Variants in IMMP2L observed in about 807,000 individuals in gnomAD.
The protein encoded by IMMP2L is mitochondrial inner membrane protease subunit 2.
Under a neutral mutation model 19.3 loss-of-function variants are expected in IMMP2L, and 18 were observed. The observed-to-expected ratio is 0.93, with a 90% CI of 0.64 to 1.38. The LOEUF is 1.38. Ranked by LOEUF, IMMP2L falls within the 40% of genes most tolerant of loss-of-function variation. The probability of loss-of-function intolerance (pLI) is 0.00; values close to 1 mark genes in which losing one functional copy is unlikely to be tolerated. For synonymous variants in IMMP2L, 76 were observed against 73.0 expected (o/e 1.04, Z -0.21); for missense variants, 233 against 218.2 (o/e 1.07, Z -0.43).
rs143727760 is a variant in IMMP2L at position 111,127,462 on chromosome 7, A to G, written c.240-163897T>C. 4.9e-3 allele frequency among the ~76,000 whole-genome samples: 739 copies of G among 152,344 alleles called. 3 individuals carry two copies. Among genetic ancestry groups the G allele is most frequent in the African/African-American group, 0.017 (707 of 41,586 alleles). On this transcript the variant is annotated intron_variant, in intron 3 of 5. Transcript: ENST00000405709. ...TATGCATTCTGAATAGACATCTAGT[A>G]GTGAGCATTAAAATGAAGTATTTCT...
rs1229972060 is a variant in IMMP2L at position 110,943,225 on chromosome 7, T to A, written c.305+20275A>T. ...AGGTATTTTTAGGCCCTTTTGACAG[T>A]CAGCTCCTTGAAAAGAGAGTTTCTG... On this transcript the variant is annotated intron_variant, in intron 4 of 5. Coordinates refer to ENST00000405709, the MANE Select transcript of IMMP2L (RefSeq NM_032549.4). 3.9e-5 allele frequency among the ~76,000 whole-genome samples: 6 copies of A among 152,090 alleles called. No individual in the cohort carries two copies. In the East Asian group the frequency reaches 1.2e-3, roughly 29 times the overall value.
At chr7:110,892,098 C>A (rs1401199464) in intron 4 of IMMP2L, among the ~76,000 whole-genome samples, 1 of 152,128 alleles carries the variant, frequency 6.6e-6, no homozygotes, top group Admixed American at 6.5e-5. Flanking sequence ...TCCTGTTTCT[C>A]AACCCATTGT....
chr7:110,886,155 G>T (rs1810198203), intron 5 of IMMP2L, among the ~76,000 whole-genome samples: 1 of 152,024 alleles, frequency 6.6e-6, no homozygotes, highest in African/African-American at 2.4e-5. Flanking sequence ...GGTAAAGTTT[G>T]CTTCCTGTAC....
At chr7:111,087,300 T>A (rs1440486165) in intron 3 of IMMP2L, among the ~76,000 whole-genome samples, 1 of 151,708 alleles carries the variant, frequency 6.6e-6, no homozygotes, top group Non-Finnish European at 1.5e-5. Flanking sequence ...ATACAAAAAA[T>A]TTGCAGGGCA....
At chr7:111,528,758 G>C (rs1467309369) in intron 1 of IMMP2L, among the ~76,000 whole-genome samples, 1 of 152,170 alleles carries the variant, frequency 6.6e-6, no homozygotes, top group East Asian at 1.9e-4. Context: ...TTTAAAAGTT[G>C]TGTGGGAGGT....
chr7:111,310,433 TTTA>T (rs1823390697), intron 3 of IMMP2L, among the ~76,000 whole-genome samples: 1 of 152,026 alleles, frequency 6.6e-6, no homozygotes. Context: ...AAAATTAACT[TTTA>T]TGTTAAAGTT....
intron 3 of IMMP2L, among the ~76,000 whole-genome samples, chr7:111,364,759 T>C (rs1829604504): frequency 6.6e-6 from 1 of 151,804 alleles, no homozygotes; most frequent in South Asian, 2.1e-4. Context: ...TCACTTGAGG[T>C]CAGGAGATCA....
intron 3 of IMMP2L, among the ~76,000 whole-genome samples, chr7:111,396,137 T>C (rs1832840542): frequency 6.6e-6 from 1 of 152,262 alleles, no homozygotes; most frequent in East Asian, 1.9e-4. Context: ...ACTGGGTATA[T>C]ACCCAAAGGA....
intron 5 of IMMP2L, among the ~76,000 whole-genome samples, chr7:110,736,217 C>G (rs1346300127): frequency 6.6e-6 from 1 of 152,154 alleles, no homozygotes; most frequent in Non-Finnish European, 1.5e-5. Flanking sequence ...GAGGATAACC[C>G]CAAAAGCCTC....
At position 111,521,431 on chromosome 7, in the gene IMMP2L, C is replaced by A. The variant is rs371064967; in HGVS notation, c.17G>T (p.Gly6Val). The stretch of plus-strand genomic sequence containing the variant: ...GGCCTTGATGTATCTTTTCACCCAC[C>A]CTTGTGACTGTGCCATACCTAAAAA... MAQSQ[G>V]WVKRYIKAFC... The change falls in exon 2 of 6, where the codon GGG becomes GTG. Residue 6 changes from glycine to valine, a missense_variant. Physicochemically the swap from Gly to Val is moderately radical, Grantham distance 109. Transcript: ENST00000405709. The A allele has an allele frequency of 6.2e-7, 1 of 1,610,884 alleles. No individual in the cohort carries two copies.
At chr7:111,195,936 G>A (rs796366035) in intron 3 of IMMP2L, among the ~76,000 whole-genome samples, 22 of 150,866 alleles carry the variant, frequency 1.5e-4, no homozygotes, top group Non-Finnish European at 2.2e-4. Context: ...ACACAATCAC[G>A]GCTCACTGCA....
chr7:110,681,710 T>C (rs2130450225), intron 5 of IMMP2L, among the ~76,000 whole-genome samples: 1 of 152,284 alleles, frequency 6.6e-6, no homozygotes, highest in South Asian at 2.1e-4. Flanking sequence ...AGACACAGAA[T>C]CAGGCCTTAA....
intron 3 of IMMP2L, among the ~76,000 whole-genome samples, chr7:111,305,250 G>A (rs1034745510): frequency 6.6e-6 from 1 of 152,136 alleles, no homozygotes; most frequent in Non-Finnish European, 1.5e-5. Context: ...ACTTTGTTTA[G>A]CAACCCAGAA....
intron 3 of IMMP2L, among the ~76,000 whole-genome samples, chr7:110,964,941 C>G (rs1819376172): frequency 6.6e-6 from 1 of 152,024 alleles, no homozygotes; most frequent in African/African-American, 2.4e-5. Context: ...TCTTCAGAGA[C>G]TGTGGCTCTG....
At chr7:111,326,332 AG>A (rs1022805765) in intron 3 of IMMP2L, among the ~76,000 whole-genome samples, 1 of 151,790 alleles carries the variant, frequency 6.6e-6, no homozygotes, top group Non-Finnish European at 1.5e-5. Flanking sequence ...ACTACAAAAA[AG>A]TTTTTGATCA....
rs73192813 is a variant in IMMP2L, at chr7:110,728,236, C to T, written c.409-64515G>A. 0.14 allele frequency among the ~76,000 whole-genome samples: 20,588 copies of T among 152,052 alleles called. 2,347 individuals carry two copies. The highest frequency in any genetic ancestry group is 0.31 in the African/African-American group (12,984 of 41,438). ...AAAGGCGACTGGGAGTGGTGGTTCA[C>T]GCCTGTAATCCCAGCAGGTTGGGAA... On this transcript the variant is annotated intron_variant, in intron 5 of 5. Transcript: ENST00000405709. This position sits in a 1 kb window ranked among gnomAD's most constrained non-coding sequence, Gnocchi z 4.6.
chr7:111,551,293 T>G (rs1304636713), intron 1 of IMMP2L, among the ~76,000 whole-genome samples: 5 of 152,128 alleles, frequency 3.3e-5, no homozygotes, highest in African/African-American at 7.2e-5. Context: ...TTTTTATGAT[T>G]TATTGCCTGA....
At chr7:110,843,158 T>C (rs1265853639) in intron 5 of IMMP2L, among the ~76,000 whole-genome samples, 4 of 152,196 alleles carry the variant, frequency 2.6e-5, no homozygotes, top group Non-Finnish European at 5.9e-5. Context: ...CATGAACTTT[T>C]AATGGTATTG....
intron 3 of IMMP2L, among the ~76,000 whole-genome samples, chr7:111,096,822 A>G (rs1441657469): frequency 1.3e-5 from 2 of 151,972 alleles, no homozygotes; most frequent in Non-Finnish European, 2.9e-5. Context: ...GACACACTAA[A>G]TAAGATAAAA....
Sources: gnomAD v4.1 joint callset for allele counts (sites outside exome capture counted in the v4.1 genomes callset) on GRCh38, gnomAD v4.1.1 for gene constraint, Gnocchi (gnomAD v3.1) non-coding constraint, MANE v1.5 for transcripts, NCBI Gene and HGNC (gene_info 2026-07-23, HGNC 2026-07-21) for gene names.